NT5C2: variants seen among roughly 807,000 people sequenced by gnomAD.
NT5C2 encodes the protein 5'-nucleotidase, cytosolic II, also known as cytosolic purine 5'-nucleotidase.
A neutral mutation model predicts 76.1 loss-of-function variants in NT5C2; 58 were observed. That is an observed-to-expected ratio of 0.76 (90% CI 0.62 to 0.95). NT5C2 has a LOEUF of 0.95. NT5C2 is among the 40% of genes least tolerant of loss of function. The pLI is 0.00. For synonymous variants in NT5C2, 229 were observed against 237.4 expected (o/e 0.96, Z 0.32); for missense variants, 478 against 690.3 (o/e 0.69, Z 3.45).
chr10:103,172,542 A>G (rs1286249353), intron 3 of NT5C2, among the ~76,000 whole-genome samples: 1 of 152,012 alleles, frequency 6.6e-6, no homozygotes, highest in East Asian at 2.0e-4. Context: ...ATTTTATTTA[A>G]AAATATTTGG....
At chr10:103,097,968 C>T (rs1266547563) in intron 10 of NT5C2, 1 of 508,298 alleles carries the variant, frequency 2.0e-6, no homozygotes, top group Non-Finnish European at 3.9e-6. Context: ...CCCGGACCCT[C>T]CCCATTCAGT....
chr10:103,090,912 T>C (rs749737778), intron 17 of NT5C2, 24 bp downstream of exon 17: 2 of 1,612,044 alleles, frequency 1.2e-6, no homozygotes, highest in Non-Finnish European at 8.5e-7. Context: ...TTCCCAAGTT[T>C]TCTCCCAAAT....
chr10:103,090,579 C>T (rs1455836127), intron 18 of NT5C2, 32 bp downstream of exon 18: 6 of 1,594,386 alleles, frequency 3.8e-6, no homozygotes, highest in African/African-American at 1.3e-5. Context: ...GCTTAGAGTA[C>T]ATCTTGGCTG....
rs1384074640 is a variant in NT5C2 at position 103,116,031 on chromosome 10, GAA to G, written c.176-9327_176-9326del. Among the ~76,000 whole-genome samples the G allele has an allele frequency of 4.6e-5, 7 of 152,138 alleles. No individual in the cohort carries two copies. In the East Asian group the frequency reaches 1.4e-3, roughly 29 times the overall value. ...TGAGGAAGGTAGTGTAAGAAATTCT[GAA>G]GTTTAAGAAAAATAATAGCAGCTAA... On this transcript the variant is annotated intron_variant, in intron 4 of 18. Transcript: ENST00000404739.
chr10:103,091,004 T>TAAAAG lies in NT5C2; in HGVS notation c.1212-13_1212-9dup. 2 of 1,612,014 alleles carry TAAAAG rather than the reference T, an allele frequency of 1.2e-6. No individual in the cohort carries two copies. Among genetic ancestry groups the TAAAAG allele is most frequent in the Non-Finnish European group, 1.7e-6 (2 of 1,179,170 alleles). On this transcript the variant is annotated splice_polypyrimidine_tract_variant and intron_variant, in intron 16 of 18. Transcript: ENST00000404739. ...CTACTGCTGTCAAGATGCCTAAAGA[T>TAAAAG]AAAAGAAAAACTCAGTGAAAATCTC...
Position 103,091,639 on chromosome 10 carries a change from G to T in NT5C2, c.1160-24C>A, listed in dbSNP as rs11191553. ...TGCTAGTTAAGGTTTGGAAGGAAAA[G>T]GAAGACATTTTAAATAAATAAGCAC... On this transcript the variant is annotated intron_variant, in intron 15 of 18. Transcript: ENST00000404739. 0.3 allele frequency: 483,997 copies of T among 1,597,430 alleles called. 75,451 individuals are homozygous for T. The highest frequency in any genetic ancestry group is 0.35 in the Middle Eastern group (2,096 of 6,012).
At chr10:103,181,803 G>A (rs1036112587) in intron 1 of NT5C2, among the ~76,000 whole-genome samples, 11 of 151,832 alleles carry the variant, frequency 7.2e-5, no homozygotes, top group Non-Finnish European at 1.6e-4. Flanking sequence ...TCAGGAGTTC[G>A]AGACCAGCCT....
At chr10:103,175,968 G>C (rs2089821724) in intron 2 of NT5C2, 1 of 163,304 alleles carries the variant, frequency 6.1e-6, no homozygotes, top group African/African-American at 2.4e-5. Context: ...CTACCCCTGA[G>C]AGCCAGGAGC....
At chr10:103,179,949 G>C (rs1003952009) in intron 2 of NT5C2, among the ~76,000 whole-genome samples, 2 of 152,136 alleles carry the variant, frequency 1.3e-5, no homozygotes, top group African/African-American at 4.8e-5. Context: ...TTCCATTAGA[G>C]TATTGAGAGG....
At chr10:103,175,226 A>C (rs1308952768) in intron 2 of NT5C2, among the ~76,000 whole-genome samples, 1 of 152,236 alleles carries the variant, frequency 6.6e-6, no homozygotes, top group Non-Finnish European at 1.5e-5. Context: ...CAAATAATTA[A>C]GCATGGCTGC....
intron 15 of NT5C2, among the ~76,000 whole-genome samples, chr10:103,092,136 G>A (rs1010420676): frequency 6.6e-6 from 1 of 152,222 alleles, no homozygotes; most frequent in African/African-American, 2.4e-5. Flanking sequence ...AGCATCTACA[G>A]CATGCTGCCG....
intron 4 of NT5C2, among the ~76,000 whole-genome samples, chr10:103,127,102 C>CA (rs1021865607): frequency 5.5e-4 from 84 of 152,288 alleles, no homozygotes; most frequent in African/African-American, 2.0e-3. Flanking sequence ...GCATGGGAGC[C>CA]AGTGCCTTTA....
In NT5C2 at chr10:103,090,962, T is replaced by C; in HGVS notation, c.1246A>G (p.Ile416Val). Residue 416 changes from isoleucine to valine, a missense_variant, in exon 17 of 19, where the codon ATC (isoleucine) becomes GTC (valine). Ile to Val is a conservative substitution (Grantham distance 29). Coordinates refer to ENST00000404739, the MANE Select transcript of NT5C2 (RefSeq NM_001351169.2). ...TTAATACGTCTCTGGATGGAACTGA[T>C]GTCTGGACGCTCATTGCTACTGCTG... Reference protein sequence around the residue: ...LDSSSNERPDISSIQRRIKKV... With the variant: ...LDSSSNERPDVSSIQRRIKKV... The C allele has an allele frequency of 6.2e-7, 1 of 1,614,026 alleles. No individual in the cohort carries two copies. The highest frequency in any genetic ancestry group is 8.5e-7 in the Non-Finnish European group (1 of 1,179,982).
chr10:103,169,212 A>G (rs2087176188), intron 3 of NT5C2: 1 of 152,214 alleles, frequency 6.6e-6, no homozygotes, highest in Non-Finnish European at 1.5e-5. Flanking sequence ...ATTCCATATC[A>G]ACTTGTACAC....
intron 6 of NT5C2, among the ~76,000 whole-genome samples, chr10:103,103,338 T>C (rs2070314749): frequency 6.6e-6 from 1 of 152,190 alleles, no homozygotes; most frequent in African/African-American, 2.4e-5. Flanking sequence ...ATCTTCTAGC[T>C]TTCCAAGATT....
At chr10:103,186,687 G>A (rs1014171197) in intron 1 of NT5C2, among the ~76,000 whole-genome samples, 7 of 152,014 alleles carry the variant, frequency 4.6e-5, no homozygotes, top group African/African-American at 1.7e-4. Flanking sequence ...GGCCGAGGCG[G>A]GCGGATCACA....
Position 103,098,926 on chromosome 10 carries a change from CT to C in NT5C2, c.687+4del. The C allele has an allele frequency of 6.3e-7, 1 of 1,594,986 alleles. No individual in the cohort carries two copies. Among genetic ancestry groups the C allele is most frequent in the African/African-American group, 1.3e-5 (1 of 74,614 alleles). On this transcript the variant is annotated splice_donor_region_variant and intron_variant, in intron 10 of 18. Transcript: ENST00000404739. ...TGCAGATCTATTTTCCCCTATATTA[CT>C]TACATCTTTGACTACATACTTCTCA...
At chr10:103,124,833 T>C (rs1203010220) in intron 4 of NT5C2, among the ~76,000 whole-genome samples, 1 of 150,068 alleles carries the variant, frequency 6.7e-6, no homozygotes, top group Non-Finnish European at 1.5e-5. Flanking sequence ...GGTCTAAAGT[T>C]GGAATGTATG....
chr10:103,091,861 T>C (rs955556226), intron 15 of NT5C2, among the ~76,000 whole-genome samples: 2 of 152,176 alleles, frequency 1.3e-5, no homozygotes, highest in Non-Finnish European at 1.5e-5. Flanking sequence ...AACACCATGA[T>C]GACAACTTTC....
Sources: gnomAD v4.1 joint callset for allele counts (sites outside exome capture counted in the v4.1 genomes callset) on GRCh38, gnomAD v4.1.1 for gene constraint, MANE v1.5 for transcripts, NCBI Gene and HGNC (gene_info 2026-07-23, HGNC 2026-07-21) for gene names.